PEX1: variants seen among roughly 807,000 people sequenced by gnomAD.
The protein encoded by PEX1 is peroxisomal biogenesis factor 1.
In PEX1, 97 loss-of-function variants were observed where a neutral mutation model predicts 152.5. The ratio of observed to expected loss-of-function variants is 0.64; its 90% CI spans 0.54 to 0.75. The LOEUF (loss-of-function observed/expected upper bound fraction) is 0.75, where lower values mean the gene tolerates loss of function less well. PEX1 is among the 30% of genes least tolerant of loss of function. PEX1 has a pLI of 0.00. For missense variants in PEX1, 1,357 were observed against 1,516.3 expected (o/e 0.89, Z 1.74); for synonymous variants, 485 against 531.6 (o/e 0.91, Z 1.21).
At position 92,487,626 on chromosome 7, in the gene PEX1, T is replaced by C. The variant is rs141490829; in HGVS notation, c.3768-85A>G. On this transcript the variant is annotated intron_variant, in intron 23 of 23. Transcript: ENST00000248633. ...AATGGATTGTTGGCAAACACAATTA[T>C]ATTTTAAGAAATGAACGGGAAATAA... 1.8e-3 allele frequency: 1,057 copies of C among 602,016 alleles called. 7 individuals are homozygous for C. The African/African-American group carries it at 0.018, about 10-fold the overall frequency. 37.3% of individuals were successfully genotyped at this position (602,016 alleles called of 1,614,324 possible). A position where few individuals can be genotyped will look rare whatever the true frequency, so the allele number is the denominator to read the frequency against.
intron 1 of PEX1, among the ~76,000 whole-genome samples, chr7:92,526,202 CT>C (rs1197370725): frequency 8.5e-5 from 13 of 152,210 alleles, no homozygotes; most frequent in Non-Finnish European, 1.5e-4. Flanking sequence ...GGTCTCAACT[CT>C]TTTGTGCATC....
At chr7:92,494,083 G>T in intron 19 of PEX1, 1 of 541,806 alleles carries the variant, frequency 1.8e-6, no homozygotes, top group Admixed American at 3.1e-5. Flanking sequence ...AACACAGAAG[G>T]ATTACAAAGT....
At position 92,503,077 on chromosome 7, in the gene PEX1, T is replaced by C. The variant is rs1792011773; in HGVS notation, c.2190A>G (p.Ile730Met). 1 of 1,613,720 alleles carries C rather than the reference T, an allele frequency of 6.2e-7. No individual in the cohort carries two copies. The highest frequency in any genetic ancestry group is 1.3e-5 in the African/African-American group (1 of 74,918). Residue 730 changes from isoleucine (I) to methionine (M), a missense_variant, in exon 13 of 24, where the codon ATA (isoleucine) becomes ATG (methionine). Ile to Met is a conservative substitution (Grantham distance 10). Transcript: ENST00000248633. ...GCTGAATGTGTTGGACGCACTGAAA[T>C]ATGTGAACTCCTTGAGCAGAAACAA... ...PLLVSAQGVHIFQCVQHIQPP... is the reference protein window; with the variant it reads ...PLLVSAQGVHMFQCVQHIQPP...
At position 92,518,217 on chromosome 7, in the gene PEX1, A is replaced by T. The variant is rs1225400009; in HGVS notation, c.396T>A (p.Asp132Glu). The T allele has an allele frequency of 1.2e-6, 2 of 1,613,534 alleles. No homozygotes were observed. The highest frequency in any genetic ancestry group is 1.1e-5 in the South Asian group (1 of 91,054). Residue 132 changes from aspartate (D) to glutamate (E), a missense_variant, in exon 4 of 24, where the codon GAT becomes GAA. Physicochemically the swap from Asp to Glu is conservative, Grantham distance 45 (BLOSUM62 2). Transcript: ENST00000248633. ...HAVSLEQHLLDQIRIVFPKAI... is the reference protein window; with the variant it reads ...HAVSLEQHLLEQIRIVFPKAI... ...CTTTTGGAAAAACTATTCGAATTTG[A>T]TCTAGAAGATGTTGTTCAAGGGAAA...
chr7:92,519,401 C>G (rs942869172), intron 2 of PEX1, among the ~76,000 whole-genome samples: 1 of 152,048 alleles, frequency 6.6e-6, no homozygotes, highest in Non-Finnish European at 1.5e-5. Context: ...TATGTGTAGT[C>G]TTTCATGTGG....
chr7:92,489,509 G>GT, intron 22 of PEX1, 86 bp from the exon 23 acceptor site: 1 of 1,236,066 alleles, frequency 8.1e-7, no homozygotes, highest in East Asian at 2.4e-5. Context: ...CTTATTGTCA[G>GT]TTTTTTCAAG....
At chr7:92,496,289 T>TA (rs1348253186) in intron 17 of PEX1, among the ~76,000 whole-genome samples, 1 of 152,138 alleles carries the variant, frequency 6.6e-6, no homozygotes, top group Non-Finnish European at 1.5e-5. Context: ...TACAGTTTTT[T>TA]AATATATGCA....
Position 92,499,789 on chromosome 7 carries a change from A to G in PEX1, c.2633T>C (p.Leu878Pro). The change falls in exon 16 of 24, where the codon CTG (leucine) becomes CCG (proline). Residue 878 changes from leucine (L) to proline (P), a missense_variant. By Grantham distance (98) the Leu-to-Pro change is moderately conservative. Coordinates refer to ENST00000248633, the MANE Select transcript of PEX1 (RefSeq NM_000466.3). ...NLPIRQRTGI[L>P]LYGPPGTGKT... The stretch of plus-strand genomic sequence containing the variant: ...TCCTGTTCCAGGCGGACCATACAAC[A>G]GTATTCCTGTTCTTTGTCGTATGGG... 6.2e-7 allele frequency: 1 copy of G among 1,612,278 alleles called. No individual in the cohort carries two copies. Among genetic ancestry groups the G allele is most frequent in the East Asian group, 2.2e-5 (1 of 44,856 alleles).
chr7:92,491,690 A>G (rs1437773058), intron 20 of PEX1, 188 bp from the exon 21 acceptor site: 2 of 564,946 alleles, frequency 3.5e-6, no homozygotes, highest in Middle Eastern at 4.8e-4. Context: ...TTATAAAGAC[A>G]AGATAGAATG....
rs141650598 is a variant in PEX1 at position 92,493,129 on chromosome 7, C to A, written c.3031G>T (p.Val1011Leu). ...ACATTTAAAATTTCAAGACGTGACA[C>A]CTGAAAGGAGAAAAATTTATTTAAC... is the stretch of plus-strand genomic sequence containing the variant. ...KCVYCPPPDQVSRLEILNVLS... is the reference protein window; with the variant it reads ...KCVYCPPPDQLSRLEILNVLS... Residue 1011 changes from valine to leucine, a missense_variant and splice_region_variant, in exon 20 of 24, where the codon GTG (valine) becomes TTG (leucine). Val to Leu is a conservative substitution (Grantham distance 32, BLOSUM62 1). Transcript: ENST00000248633. 2 of 1,556,558 alleles carry A rather than the reference C, an allele frequency of 1.3e-6. No homozygotes were observed. The highest frequency in any genetic ancestry group is 1.2e-5 in the South Asian group (1 of 82,836).
At position 92,518,195 on chromosome 7, in the gene PEX1, T is replaced by C. The variant is rs1562867336; in HGVS notation, c.418A>G (p.Lys140Glu). The C allele has an allele frequency of 1.9e-6, 3 of 1,613,966 alleles. No individual in the cohort carries two copies. The highest frequency in any genetic ancestry group is 8.5e-7 in the Non-Finnish European group (1 of 1,179,854). Reference protein sequence around the residue: ...LLDQIRIVFPKAIFPVWVDQQ... With the variant: ...LLDQIRIVFPEAIFPVWVDQQ... ...TCAACCCAAACAGGAAAAATGGCTT[T>C]TGGAAAAACTATTCGAATTTGATCT... The change falls in exon 4 of 24, where the codon AAA becomes GAA. Residue 140 changes from lysine to glutamate, a missense_variant. Transcript: ENST00000248633.
At position 92,501,533 on chromosome 7, in the gene PEX1, T is replaced by C; in HGVS notation, c.2557A>G (p.Met853Val). The change falls in exon 15 of 24, where the codon ATG (methionine) becomes GTG (valine). Residue 853 changes from methionine (M) to valine (V), a missense_variant. Transcript: ENST00000248633. ...GGLHEVRQILMDTIQLPAKYP... is the reference protein window; with the variant it reads ...GGLHEVRQILVDTIQLPAKYP... Reference sequence around the variant, plus strand: ...TTGGCAGGTAACTGGATAGTATCCATGAGTATCTGCCTAACTTCATGTAAC... The same window carrying C: ...TTGGCAGGTAACTGGATAGTATCCACGAGTATCTGCCTAACTTCATGTAAC... 1 of 1,613,898 alleles carries C rather than the reference T, an allele frequency of 6.2e-7. No homozygotes were observed. The highest frequency in any genetic ancestry group is 8.5e-7 in the Non-Finnish European group (1 of 1,179,788).
chr7:92,489,538 C>T (rs1290420709), intron 22 of PEX1, 115 bp from the exon 23 acceptor site: 2 of 1,065,446 alleles, frequency 1.9e-6, no homozygotes, highest in East Asian at 2.6e-5. Flanking sequence ...CGTTCTCTTC[C>T]TTATAAGATA....
In PEX1 at chr7:92,491,255, A is replaced by G. The variant is rs1184217588; in HGVS notation, c.3438+17T>C. The G allele has an allele frequency of 6.8e-7, 1 of 1,478,504 alleles. No individual in the cohort carries two copies. Among genetic ancestry groups the G allele is most frequent in the Non-Finnish European group, 9.5e-7 (1 of 1,056,138 alleles). 91.6% of individuals were successfully genotyped at this position (1,478,504 alleles called of 1,614,324 possible). On this transcript the variant is annotated intron_variant, in intron 21 of 23. Coordinates refer to ENST00000248633, the MANE Select transcript of PEX1 (RefSeq NM_000466.3). ...CTTTATATTTCAGAACTGTATAATG[A>G]TGACTGCACAAGATACCAAATCAGA...
intron 12 of PEX1, among the ~76,000 whole-genome samples, chr7:92,503,979 A>G (rs1249217756): frequency 6.6e-6 from 1 of 151,984 alleles, no homozygotes; most frequent in Non-Finnish European, 1.5e-5. Context: ...TCCCCAACAT[A>G]TCATTACTTC....
chr7:92,489,398 C>G lies in PEX1; in HGVS notation c.3662G>C (p.Gly1221Ala), dbSNP rs1465872554. 8 of 1,612,810 alleles carry G rather than the reference C, an allele frequency of 5.0e-6. No homozygotes were observed. The highest frequency in any genetic ancestry group is 6.8e-6 in the Non-Finnish European group (8 of 1,179,214). ...SGEDESMNQP[G>A]PIKTRLAISQ... ...AATAGCCAGTCTGGTTTTGATTGGT[C>G]CTGGTTGGTTCATGGATTCGTCCTC... is the stretch of plus-strand genomic sequence containing the variant. The change falls in exon 23 of 24, where the codon GGA becomes GCA. Residue 1221 changes from glycine to alanine, a missense_variant. Gly to Ala is a moderately conservative substitution (Grantham distance 60). Transcript: ENST00000248633.
intron 20 of PEX1, among the ~76,000 whole-genome samples, chr7:92,492,584 G>A (rs964542854): frequency 8.5e-5 from 13 of 152,210 alleles, no homozygotes; most frequent in African/African-American, 2.7e-4. Flanking sequence ...AACAATGTGA[G>A]CTTCAAAACA....
chr7:92,511,492 T>C lies in PEX1; in HGVS notation c.1483+88A>G. 9.3e-6 allele frequency: 9 copies of C among 966,172 alleles called. No homozygotes were observed. The South Asian group carries it at 1.1e-4, about 12-fold the overall frequency. 59.8% of individuals were successfully genotyped at this position (966,172 alleles called of 1,614,324 possible). A position where few individuals can be genotyped will look rare whatever the true frequency, so the allele number is the denominator to read the frequency against. ...TAATTATATTTCACTATTCACATACTGTTCACAGGTATGACAGGTTGCAAG... is the reference window on the plus strand; with the variant it reads ...TAATTATATTTCACTATTCACATACCGTTCACAGGTATGACAGGTTGCAAG... On this transcript the variant is annotated intron_variant, in intron 7 of 23. Transcript: ENST00000248633.
At chr7:92,494,741 C>G (rs1171639703) in intron 17 of PEX1, 112 bp from the exon 18 acceptor site, 1 of 639,360 alleles carries the variant, frequency 1.6e-6, no homozygotes, top group African/African-American at 1.9e-5. Context: ...TATTTATATA[C>G]TTCTTTTAAT....
Sources: gnomAD v4.1 joint callset for allele counts (sites outside exome capture counted in the v4.1 genomes callset) on GRCh38, gnomAD v4.1.1 for gene constraint, MANE v1.5 for transcripts, NCBI Gene and HGNC (gene_info 2026-07-23, HGNC 2026-07-21) for gene names.